The following KLF8 variants were observed in gnomAD, a reference collection of about 807,000 sequenced individuals.
KLF8 encodes the protein Krueppel-like factor 8.
KLF8 carries 10 observed loss-of-function variants against 18.2 expected under a neutral mutation model. That is an observed-to-expected ratio of 0.55 (90% confidence interval 0.34 to 0.93). The LOEUF is 0.93. Ranked by LOEUF, KLF8 falls within the 40% of genes least tolerant of loss-of-function variation. The probability of loss-of-function intolerance (pLI) is 0.02; values close to 1 mark genes in which losing one functional copy is unlikely to be tolerated. For missense variants in KLF8, 264 were observed against 277.9 expected (o/e 0.95, Z 0.36); for synonymous variants, 109 against 97.3 (o/e 1.12, Z -0.71).
chrX:56,171,249 G>A, the KLF8 span, among the ~76,000 whole-genome samples: 9 of 111,548 alleles, frequency 8.1e-5, no homozygotes, highest in Admixed American at 8.6e-4. Context: ...GATATAAATA[G>A]AAACAACAAA....
the KLF8 span, among the ~76,000 whole-genome samples, chrX:56,081,365 G>C: frequency 8.9e-6 from 1 of 111,877 alleles, no homozygotes; most frequent in Admixed American, 9.5e-5. Flanking sequence ...TATGTATATG[G>C]CAAATTAGTA....
the KLF8 span, among the ~76,000 whole-genome samples, chrX:56,161,666 C>T: frequency 1.8e-5 from 2 of 111,306 alleles, no homozygotes; most frequent in African/African-American, 3.3e-5. Context: ...ATTAGCCATT[C>T]GTGTAATTTT....
At chrX:56,134,056 G>A in the KLF8 span, among the ~76,000 whole-genome samples, 2 of 111,678 alleles carry the variant, frequency 1.8e-5, no homozygotes, top group South Asian at 3.7e-4. Flanking sequence ...TCATGGATGG[G>A]TAGAATCAAT....
the KLF8 span, among the ~76,000 whole-genome samples, chrX:56,096,369 T>C: frequency 9.0e-6 from 1 of 111,294 alleles, no homozygotes; most frequent in Non-Finnish European, 1.9e-5. Flanking sequence ...ATAGGTACAC[T>C]AAAAGCCCAG....
chrX:55,952,703 T>G, the KLF8 span, among the ~76,000 whole-genome samples: 5 of 112,143 alleles, frequency 4.5e-5, no homozygotes, highest in African/African-American at 6.5e-5. Context: ...TTCCAGGGAT[T>G]AGAATGTGGG....
the KLF8 span, among the ~76,000 whole-genome samples, chrX:55,964,754 C>A: frequency 9.0e-6 from 1 of 111,718 alleles, no homozygotes. Context: ...TACATAAAAA[C>A]TACCAGAGAC....
intron 1 of KLF8, among the ~76,000 whole-genome samples, chrX:56,238,022 A>G (rs1405070481): frequency 1.8e-5 from 2 of 111,860 alleles, no homozygotes; most frequent in Non-Finnish European, 3.8e-5. Context: ...TAAAGGCCCT[A>G]TCTTCAAATA....
the KLF8 span, among the ~76,000 whole-genome samples, chrX:55,941,693 A>G: frequency 8.9e-6 from 1 of 112,028 alleles, no homozygotes; most frequent in East Asian, 2.8e-4. Context: ...AACCCCAGCA[A>G]AAAGTGGGCA....
chrX:56,017,968 T>C, the KLF8 span, among the ~76,000 whole-genome samples: 4 of 111,894 alleles, frequency 3.6e-5, no homozygotes, highest in Non-Finnish European at 7.5e-5. Context: ...CAACATACAA[T>C]GTGTAATGAT....
chrX:55,975,177 A>T, the KLF8 span, among the ~76,000 whole-genome samples: 1 of 111,240 alleles, frequency 9.0e-6, no homozygotes, highest in Non-Finnish European at 1.9e-5. Context: ...ATTACATTTG[A>T]GTTGAGATCT....
the KLF8 span, among the ~76,000 whole-genome samples, chrX:55,971,535 T>G: frequency 9.1e-6 from 1 of 109,959 alleles, no homozygotes; most frequent in East Asian, 2.8e-4. Context: ...CACAAAAACA[T>G]GCATCTAAAA....
chrX:56,059,511 A>C, the KLF8 span, among the ~76,000 whole-genome samples: 1 of 111,964 alleles, frequency 8.9e-6, no homozygotes, highest in African/African-American at 3.2e-5. Flanking sequence ...TCTTCAATCT[A>C]TCTTGAGTTA....
At chrX:56,252,521 G>T (rs1280123066) in intron 2 of KLF8, among the ~76,000 whole-genome samples, 1 of 111,812 alleles carries the variant, frequency 8.9e-6, no homozygotes, top group Non-Finnish European at 1.9e-5. Context: ...ATAATCTCCA[G>T]TTCCACCCAT....
chrX:56,152,522 G>A, the KLF8 span, among the ~76,000 whole-genome samples: 1 of 111,192 alleles, frequency 9.0e-6, no homozygotes, highest in Admixed American at 9.6e-5. Context: ...GATAATAATA[G>A]AGGAGGGATG....
the KLF8 span, among the ~76,000 whole-genome samples, chrX:56,130,785 T>C: frequency 8.9e-6 from 1 of 111,786 alleles, no homozygotes; most frequent in African/African-American, 3.3e-5. Flanking sequence ...GGAAGAAATC[T>C]TCTGTGAAAT....
At chrX:55,955,032 TA>T in the KLF8 span, among the ~76,000 whole-genome samples, 13 of 111,805 alleles carry the variant, frequency 1.2e-4, no homozygotes, top group South Asian at 4.5e-3. Flanking sequence ...GGGATCTTTT[TA>T]AAGTAATGGA....
chrX:55,942,260 C>T, the KLF8 span, among the ~76,000 whole-genome samples: 3 of 110,287 alleles, frequency 2.7e-5, no homozygotes, highest in South Asian at 3.9e-4. Context: ...AGCAAACTAT[C>T]GCAAGGACAA....
chrX:56,174,070 G>A, the KLF8 span, among the ~76,000 whole-genome samples: 37 of 111,271 alleles, frequency 3.3e-4, no homozygotes, highest in South Asian at 1.1e-3. Context: ...CTCTTTTCCT[G>A]ATTGAATAAC....
At chrX:56,136,216 C>T in the KLF8 span, among the ~76,000 whole-genome samples, 2 of 111,721 alleles carry the variant, frequency 1.8e-5, no homozygotes, top group Admixed American at 1.9e-4. Flanking sequence ...CATCAAGCTA[C>T]CAATGCCTTT....
Sources: allele counts gnomAD v4.1 joint callset (sites outside exome capture counted in the v4.1 genomes callset), GRCh38; gene constraint gnomAD v4.1.1; transcripts MANE v1.5; gene names NCBI Gene and HGNC (gene_info 2026-07-23, HGNC 2026-07-21).